The following ZNF891 variants were observed in gnomAD, a reference collection of about 807,000 sequenced individuals.
ZNF891 encodes the protein zinc finger protein 891.
For synonymous variants in ZNF891, 199 were observed against 209.0 expected (o/e 0.95, Z 0.41); for missense variants, 589 against 632.7 (o/e 0.93, Z 0.74).
Position 133,109,287 on chromosome 12 carries a change from G to C in ZNF891, c.*10997C>G, listed in dbSNP as rs1955663011. ...GTAGATGATGCAGAACTTCTATAAT[G>C]AAAGTAAGATCCCAATTTCAGTAGA... On this transcript the variant is annotated 3_prime_UTR_variant, in exon 2 of 2. Transcript: ENST00000537226. 6.6e-6 allele frequency: 1 copy of C among 152,198 alleles called. No individual in the cohort carries two copies. Among genetic ancestry groups the C allele is most frequent in the South Asian group, 2.1e-4 (1 of 4,832 alleles). 9.4% of individuals were successfully genotyped at this position (152,198 alleles called of 1,614,324 possible).
At chr12:133,129,663 G>A (rs1955855430) in intron 1 of ZNF891, among the ~76,000 whole-genome samples, 1 of 152,262 alleles carries the variant, frequency 6.6e-6, no homozygotes, top group East Asian at 1.9e-4. Context: ...TATTCATGAA[G>A]CTTGTAAAAT....
rs962978578 is a variant in ZNF891 at position 133,122,026 on chromosome 12, T to G, written c.-106-2A>C. The G allele has an allele frequency of 3.6e-6, 5 of 1,404,356 alleles. No homozygotes were observed. The African/African-American group carries it at 7.2e-5, about 20-fold the overall frequency. 87.0% of individuals were successfully genotyped at this position (1,404,356 alleles called of 1,614,324 possible). A position where few individuals can be genotyped will look rare whatever the true frequency, so the allele number is the denominator to read the frequency against. On this transcript the variant is annotated splice_acceptor_variant, in intron 1 of 1. Coordinates refer to ENST00000537226, the MANE Select transcript of ZNF891 (RefSeq NM_001277291.2). LOFTEE classifies it low-confidence loss of function (5UTR_SPLICE). ...GATGCATTTCACCCGAAGTTCTCCCTGTAGCCAAAGAAGCAAGTTCAGGTA... is the reference window on the plus strand; with the variant it reads ...GATGCATTTCACCCGAAGTTCTCCCGGTAGCCAAAGAAGCAAGTTCAGGTA...
Position 133,115,743 on chromosome 12 carries a change from T to C in ZNF891, c.*4541A>G, listed in dbSNP as rs12422899. 89,998 of 151,920 alleles carry C rather than the reference T, an allele frequency of 0.59. 27,490 individuals are homozygous for C. Among genetic ancestry groups the C allele is most frequent in the African/African-American group, 0.69 (28,702 of 41,428 alleles). 9.4% of individuals were successfully genotyped at this position (151,920 alleles called of 1,614,324 possible). ...TTGCAATAAAATCCAGGTGAGATGC[T>C]GGGCGAGACTGTGCCTGAGTCTACC... On this transcript the variant is annotated 3_prime_UTR_variant, in exon 2 of 2. Coordinates refer to ENST00000537226, the MANE Select transcript of ZNF891 (RefSeq NM_001277291.2).
rs1413107665 is a variant in ZNF891 at position 133,107,571 on chromosome 12, TCAGA to T, written c.*12709_*12712del. ...TTTAGGTGTTTTATGATTTTAACTT[TCAGA>T]CAGAGTTTGGATTTAAGGTAATGCT... is the stretch of plus-strand genomic sequence containing the variant. On this transcript the variant is annotated 3_prime_UTR_variant, in exon 2 of 2. Transcript: ENST00000537226. The T allele has an allele frequency of 3.9e-5, 6 of 152,236 alleles. No individual in the cohort carries two copies. Among genetic ancestry groups the T allele is most frequent in the Non-Finnish European group, 5.9e-5 (4 of 68,032 alleles). 9.4% of individuals were successfully genotyped at this position (152,236 alleles called of 1,614,324 possible).
Position 133,105,658 on chromosome 12 carries a change from T to A in ZNF891, c.*14626A>T, listed in dbSNP as rs540164986. 2.5e-6 allele frequency: 4 copies of A among 1,614,080 alleles called. No homozygotes were observed. Among genetic ancestry groups the A allele is most frequent in the Non-Finnish European group, 3.4e-6 (4 of 1,180,048 alleles). ...GAGGCTGGAAATGCAAGGATCATAC[T>A]GAGATGCTGCAAGAAAATCAGGGAT... On this transcript the variant is annotated 3_prime_UTR_variant, in exon 2 of 2. Coordinates refer to ENST00000537226, the MANE Select transcript of ZNF891 (RefSeq NM_001277291.2).
rs933054327 is a variant in ZNF891, at chr12:133,110,067, C to G, written c.*10217G>C. On this transcript the variant is annotated 3_prime_UTR_variant, in exon 2 of 2. Transcript: ENST00000537226. ...CTGTACTCCAGCCTGGGTGACAGAG[C>G]GAGACTCCGTCTCAAAAAAAAAGAA... is the stretch of plus-strand genomic sequence containing the variant. 3 of 151,966 alleles carry G rather than the reference C, an allele frequency of 2.0e-5. No homozygotes were observed. The highest frequency in any genetic ancestry group is 4.4e-5 in the Non-Finnish European group (3 of 68,018). 9.4% of individuals were successfully genotyped at this position (151,966 alleles called of 1,614,324 possible).
At position 133,109,001 on chromosome 12, in the gene ZNF891, TATAAA is replaced by T. The variant is rs1955660741; in HGVS notation, c.*11278_*11282del. The T allele has an allele frequency of 6.6e-6, 1 of 151,608 alleles. No homozygotes were observed. Among genetic ancestry groups the T allele is most frequent in the Non-Finnish European group, 1.5e-5 (1 of 67,894 alleles). The allele number at this position is 151,608 out of a possible 1,614,324, so 9.4% of individuals were successfully genotyped here. A position where few individuals can be genotyped will look rare whatever the true frequency, so the allele number is the denominator to read the frequency against. ...ATTGGAAGAATTGTCTTGGGCCACATATAAAATACGTGAACACTAATGATAGCTAT... is the reference window on the plus strand; with the variant it reads ...ATTGGAAGAATTGTCTTGGGCCACATATACGTGAACACTAATGATAGCTAT... On this transcript the variant is annotated 3_prime_UTR_variant, in exon 2 of 2. Coordinates refer to ENST00000537226, the MANE Select transcript of ZNF891 (RefSeq NM_001277291.2).
In ZNF891 at chr12:133,106,377, C is replaced by A. The variant is rs766513108; in HGVS notation, c.*13907G>T. ...TGTGATGAATGTGGTAAAGTTTTCA[C>A]TTGGCATGCATCCCTTATTCAACAT... is the stretch of plus-strand genomic sequence containing the variant. On this transcript the variant is annotated 3_prime_UTR_variant, in exon 2 of 2. Coordinates refer to ENST00000537226, the MANE Select transcript of ZNF891 (RefSeq NM_001277291.2). 1.6e-5 allele frequency: 26 copies of A among 1,614,024 alleles called. No homozygotes were observed. In the South Asian group the frequency reaches 2.6e-4, roughly 16 times the overall value.
chr12:133,123,447 G>C (rs533032162), intron 1 of ZNF891, among the ~76,000 whole-genome samples: 49 of 152,218 alleles, frequency 3.2e-4, no homozygotes, highest in African/African-American at 1.1e-3. Context: ...CTTCTGGGTT[G>C]GGTACAGGGG....
chr12:133,114,853 A>T lies in ZNF891; in HGVS notation c.*5431T>A, dbSNP rs958203572. On this transcript the variant is annotated 3_prime_UTR_variant, in exon 2 of 2. Transcript: ENST00000537226. ...AAGATTTTATCTTAACTGGAGAAAA[A>T]GGCCAGAAGAAGATTAAACGTGAAA... 6.6e-6 allele frequency: 1 copy of T among 152,278 alleles called. No homozygotes were observed. Among genetic ancestry groups the T allele is most frequent in the African/African-American group, 2.4e-5 (1 of 41,478 alleles). The allele number at this position is 152,278 out of a possible 1,614,324, so 9.4% of individuals were successfully genotyped here. A position where few individuals can be genotyped will look rare whatever the true frequency, so the allele number is the denominator to read the frequency against.
chr12:133,120,862 A>T lies in ZNF891; in HGVS notation c.1057T>A (p.Cys353Ser), dbSNP rs1158177272. 3.2e-6 allele frequency: 5 copies of T among 1,544,688 alleles called. No homozygotes were observed. The Admixed American group carries it at 9.8e-5, about 30-fold the overall frequency. Reference sequence around the variant, plus strand: ...GAGGAATCATTGAACACTTTACCACATTCTTTACATTCATATTGTTTCTCA... The same window carrying T: ...GAGGAATCATTGAACACTTTACCACTTTCTTTACATTCATATTGTTTCTCA... Reference protein sequence around the residue: ...MGEKQYECKECGKVFNDSSTL... With the variant: ...MGEKQYECKESGKVFNDSSTL... Residue 353 changes from cysteine (C) to serine (S), a missense_variant, in exon 2 of 2, where the codon TGT becomes AGT. Coordinates refer to ENST00000537226, the MANE Select transcript of ZNF891 (RefSeq NM_001277291.2).
Position 133,106,216 on chromosome 12 carries a change from C to G in ZNF891, c.*14068G>C, listed in dbSNP as rs2137594844. 1 of 1,614,208 alleles carries G rather than the reference C, an allele frequency of 6.2e-7. No individual in the cohort carries two copies. The highest frequency in any genetic ancestry group is 8.5e-7 in the Non-Finnish European group (1 of 1,180,034). On this transcript the variant is annotated 3_prime_UTR_variant, in exon 2 of 2. Coordinates refer to ENST00000537226, the MANE Select transcript of ZNF891 (RefSeq NM_001277291.2). ...AATGTGGGAAGGCATTTCGCCGTTT[C>G]TCACACCTTACTCGACATCAGAGCA... is the stretch of plus-strand genomic sequence containing the variant.
chr12:133,129,192 A>G (rs1038251360), intron 1 of ZNF891, among the ~76,000 whole-genome samples: 51 of 152,252 alleles, frequency 3.3e-4, no homozygotes, highest in Admixed American at 2.5e-3. Context: ...AAACCTAATC[A>G]ATGAGACTTT....
rs1049042877 is a variant in ZNF891, at chr12:133,108,405, A to G, written c.*11879T>C. On this transcript the variant is annotated 3_prime_UTR_variant, in exon 2 of 2. Coordinates refer to ENST00000537226, the MANE Select transcript of ZNF891 (RefSeq NM_001277291.2). ...ATTCATTATTTATTTATTTAAGAGT[A>G]TACTCAATTTCTCCCATTATCTGCT... The G allele has an allele frequency of 6.6e-6, 1 of 152,006 alleles. No homozygotes were observed. The highest frequency in any genetic ancestry group is 1.5e-5 in the Non-Finnish European group (1 of 68,002). The allele number at this position is 152,006 out of a possible 1,614,324, so 9.4% of individuals were successfully genotyped here.
rs1025 is a variant in ZNF891 at position 133,107,042 on chromosome 12, A to T, written c.*13242T>A. On this transcript the variant is annotated 3_prime_UTR_variant, in exon 2 of 2. Transcript: ENST00000537226. ...TCCGCATCTGTCAACCAGGACAGAA[A>T]GCATGGACAAGGGATGAGCTTTACA... 0.59 allele frequency: 93,620 copies of T among 159,070 alleles called. 28,512 individuals carry two copies. The highest frequency in any genetic ancestry group is 0.7 in the African/African-American group (29,226 of 41,618). 9.9% of individuals were successfully genotyped at this position (159,070 alleles called of 1,614,324 possible). A position where few individuals can be genotyped will look rare whatever the true frequency, so the allele number is the denominator to read the frequency against.
intron 1 of ZNF891, among the ~76,000 whole-genome samples, chr12:133,125,178 T>C (rs1181560987): frequency 7.0e-6 from 1 of 142,426 alleles, no homozygotes; most frequent in African/African-American, 2.4e-5. Context: ...TAGTTACTTA[T>C]TTTTTAGAGA....
At position 133,120,897 on chromosome 12, in the gene ZNF891, CTT is replaced by C; in HGVS notation, c.1020_1021del (p.Met343GlyfsTer2). The stretch of plus-strand genomic sequence containing the variant: ...TTCATATTGTTTCTCACCCATGTGA[CTT>C]TTCTTGTATAAAGTAAGATTAGAAA... On this transcript the variant is annotated frameshift_variant, in exon 2 of 2. Coordinates refer to ENST00000537226, the MANE Select transcript of ZNF891 (RefSeq NM_001277291.2). LOFTEE classifies it low-confidence loss of function (END_TRUNC). The C allele has an allele frequency of 6.5e-6, 10 of 1,538,884 alleles. No individual in the cohort carries two copies. Among genetic ancestry groups the C allele is most frequent in the Non-Finnish European group, 8.7e-6 (10 of 1,146,950 alleles).
In ZNF891 at chr12:133,106,343, C is replaced by T. The variant is rs1566326931; in HGVS notation, c.*13941G>A. 9.9e-6 allele frequency: 16 copies of T among 1,614,040 alleles called. No individual in the cohort carries two copies. Among genetic ancestry groups the T allele is most frequent in the Non-Finnish European group, 1.4e-5 (16 of 1,180,046 alleles). Reference sequence around the variant, plus strand: ...TCAGAGAATTCATGCTGGAGAAAAGCTCTATGAATGTGATGAATGTGGTAA... The same window carrying T: ...TCAGAGAATTCATGCTGGAGAAAAGTTCTATGAATGTGATGAATGTGGTAA... On this transcript the variant is annotated 3_prime_UTR_variant, in exon 2 of 2. Transcript: ENST00000537226.
chr12:133,106,248 C>T lies in ZNF891; in HGVS notation c.*14036G>A. The T allele has an allele frequency of 1.9e-6, 3 of 1,614,190 alleles. No individual in the cohort carries two copies. Among genetic ancestry groups the T allele is most frequent in the Non-Finnish European group, 2.5e-6 (3 of 1,180,030 alleles). On this transcript the variant is annotated 3_prime_UTR_variant, in exon 2 of 2. Transcript: ENST00000537226. ...CTTACTCGACATCAGAGCATCCATA[C>T]AACCAAAACCCCGTATGAATGTAAT...
Sources: gnomAD v4.1 joint callset for allele counts (sites outside exome capture counted in the v4.1 genomes callset) on GRCh38, gnomAD v4.1.1 for gene constraint, MANE v1.5 for transcripts, NCBI Gene and HGNC (gene_info 2026-07-23, HGNC 2026-07-21) for gene names.